Variants in NOB1 observed in about 807,000 individuals in gnomAD.
The protein encoded by NOB1 is NIN1 (RPN12) binding protein 1 homolog, also known as RNA-binding protein NOB1.
Under a neutral mutation model 44.8 loss-of-function variants are expected in NOB1, and 44 were observed. The observed-to-expected ratio is 0.98, with a 90% confidence interval of 0.77 to 1.26. The LOEUF (loss-of-function observed/expected upper bound fraction) is 1.26. Among genes scored for constraint, NOB1 ranks in the 50% most tolerant of loss-of-function variants. NOB1 has a pLI of 0.00. For missense variants in NOB1, 560 were observed against 544.8 expected, an observed-to-expected ratio of 1.03 and a Z score of -0.28; for synonymous variants, 238 against 218.7, an observed-to-expected ratio of 1.09 and a Z score of -0.78.
In NOB1 at chr16:69,749,581, G is replaced by A. The variant is rs981358617; in HGVS notation, c.377C>T (p.Ser126Phe). The A allele has an allele frequency of 5.6e-6, 9 of 1,613,510 alleles. No homozygotes were observed. Among genetic ancestry groups the A allele is most frequent in the Non-Finnish European group, 7.6e-6 (9 of 1,179,870 alleles). ...IQHPETPLHI[S>F]GFHLPYKPKP... ...TACCTTGTAGGGCAGATGGAAACCA[G>A]AAATGTGCAGAGGTGTTTCTGGGTG... Residue 126 changes from serine (S) to phenylalanine (F), a missense_variant, in exon 4 of 9, where the codon TCT (serine) becomes TTT (phenylalanine). Transcript: ENST00000268802.
intron 3 of NOB1, among the ~76,000 whole-genome samples, chr16:69,750,262 C>G (rs999443025): frequency 6.6e-6 from 1 of 151,918 alleles, no homozygotes; most frequent in Non-Finnish European, 1.5e-5. Context: ...ATCTCAGCCT[C>G]CCAAAGCGCT....
At chr16:69,748,869 C>A (rs1343298048) in intron 6 of NOB1, 49 bp downstream of exon 6, 15 of 1,467,962 alleles carry the variant, frequency 1.0e-5, no homozygotes, top group Non-Finnish European at 1.3e-5. Flanking sequence ...CTCGGTAGGA[C>A]CACTGCCGAT....
intron 8 of NOB1, among the ~76,000 whole-genome samples, chr16:69,744,185 G>C (rs144150232): frequency 6.6e-6 from 1 of 152,160 alleles, no homozygotes. Context: ...GCCAAGCATG[G>C]TGGCGTGTGC....
chr16:69,754,575 C>G lies in NOB1; in HGVS notation c.196+19G>C. ...CCTGGACCCCAGCTTCCCGTCAACG[C>G]TAGGGCAGAGGCACTCACCCAGCCG... On this transcript the variant is annotated intron_variant, in intron 2 of 8. Coordinates refer to ENST00000268802, the MANE Select transcript of NOB1 (RefSeq NM_014062.3). 6.2e-7 allele frequency: 1 copy of G among 1,613,494 alleles called. No homozygotes were observed. Among genetic ancestry groups the G allele is most frequent in the Non-Finnish European group, 8.5e-7 (1 of 1,179,772 alleles).
rs1407742102 is a variant in NOB1, at chr16:69,749,245, G to T, written c.493C>A (p.Pro165Thr). ...SSFMFWRNPLPNIDHELQELL... is the reference protein window; with the variant it reads ...SSFMFWRNPLTNIDHELQELL... ...TCCTGCAGTTCATGATCGATGTTGG[G>T]CAAAGGGTTTCTCCAGAACATGAAG... is the stretch of plus-strand genomic sequence containing the variant. Residue 165 changes from proline to threonine, a missense_variant, in exon 5 of 9, where the codon CCC becomes ACC. Transcript: ENST00000268802. The T allele has an allele frequency of 6.2e-7, 1 of 1,613,458 alleles. No individual in the cohort carries two copies. The highest frequency in any genetic ancestry group is 8.5e-7 in the Non-Finnish European group (1 of 1,179,844).
intron 7 of NOB1, among the ~76,000 whole-genome samples, 187 bp from the exon 8 acceptor site, chr16:69,745,204 A>G (rs1431856694): frequency 6.6e-6 from 1 of 152,232 alleles, no homozygotes; most frequent in Non-Finnish European, 1.5e-5. Context: ...TGAGGGACAG[A>G]TAAACCACAG....
At chr16:69,744,513 A>G (rs1037446065) in intron 8 of NOB1, among the ~76,000 whole-genome samples, 9 of 152,114 alleles carry the variant, frequency 5.9e-5, no homozygotes, top group Admixed American at 1.3e-4. Context: ...GCTGCTGCTC[A>G]TCTAGCCCGT....
chr16:69,748,339 C>CA lies in NOB1; in HGVS notation c.727-11dup. 6.2e-7 allele frequency: 1 copy of CA among 1,607,624 alleles called. No homozygotes were observed. Among genetic ancestry groups the CA allele is most frequent in the Non-Finnish European group, 8.5e-7 (1 of 1,175,330 alleles). Reference sequence around the variant, plus strand: ...TCTGCAGCAGAACATTCTACAACCACAAGTTAAAGAAGAAATCAATTTTCT... The same window carrying CA: ...TCTGCAGCAGAACATTCTACAACCACAAAGTTAAAGAAGAAATCAATTTTCT... On this transcript the variant is annotated splice_polypyrimidine_tract_variant and intron_variant, in intron 6 of 8. Transcript: ENST00000268802.
chr16:69,748,614 T>C, intron 6 of NOB1: 1 of 532,746 alleles, frequency 1.9e-6, no homozygotes. Flanking sequence ...ATTGCTGGGC[T>C]GAAAACCCTC....
At chr16:69,750,000 A>T (rs1199964074) in intron 3 of NOB1, among the ~76,000 whole-genome samples, 3 of 131,552 alleles carry the variant, frequency 2.3e-5, no homozygotes, top group Non-Finnish European at 3.1e-5. Context: ...AGGATACCCA[A>T]TTTTTTTTTT....
intron 3 of NOB1, among the ~76,000 whole-genome samples, chr16:69,751,157 C>T (rs1223918117): frequency 2.0e-5 from 3 of 152,076 alleles, no homozygotes; most frequent in Non-Finnish European, 4.4e-5. Flanking sequence ...ATGATCACAA[C>T]TCACTGCAAC....
chr16:69,754,595 C>G lies in NOB1; in HGVS notation c.195G>C (p.Leu65=). The change falls in exon 2 of 9, where the codon CTG becomes CTC. Residue 65 remains leucine (L), a splice_region_variant and synonymous_variant. Coordinates refer to ENST00000268802, the MANE Select transcript of NOB1 (RefSeq NM_014062.3). ...CAACGCTAGGGCAGAGGCACTCACC[C>G]AGCCGCACGTATTCCGGTAAGGGCT... ...FKEPLPEYVR[L]VTEFSKKTGD... 1 of 1,614,062 alleles carries G rather than the reference C, an allele frequency of 6.2e-7. No individual in the cohort carries two copies. The highest frequency in any genetic ancestry group is 1.3e-5 in the African/African-American group (1 of 75,082).
chr16:69,742,567 G>C lies in NOB1; in HGVS notation c.1004C>G (p.Ala335Gly), dbSNP rs1052182555. ...ATCCTCGGTGAGATGGGGGTTGATG[G>C]CGTATTTGCCCCCTTTGGGAGTGGG... ...SLPTPKGGKY[A>G]INPHLTEDQR... is the part of the protein sequence containing the mutation. Residue 335 changes from alanine (A) to glycine (G), a missense_variant, in exon 9 of 9, where the codon GCC becomes GGC. Transcript: ENST00000268802. The C allele has an allele frequency of 6.2e-7, 1 of 1,614,028 alleles. No homozygotes were observed. The highest frequency in any genetic ancestry group is 1.1e-5 in the South Asian group (1 of 91,086).
At chr16:69,749,386 C>A in intron 4 of NOB1, 48 bp from the exon 5 acceptor site, 1 of 1,581,468 alleles carries the variant, frequency 6.3e-7, no homozygotes, top group South Asian at 1.2e-5. Flanking sequence ...CATCTGTAGC[C>A]ACCTCTCAGG....
chr16:69,750,683 T>A (rs1053127302), intron 3 of NOB1, among the ~76,000 whole-genome samples: 2 of 152,118 alleles, frequency 1.3e-5, no homozygotes, highest in East Asian at 3.9e-4. Context: ...ATGCCTGTAA[T>A]CTCAGCATTC....
intron 8 of NOB1, 27 bp downstream of exon 8, chr16:69,744,846 G>T: frequency 6.2e-7 from 1 of 1,608,252 alleles, no homozygotes; most frequent in South Asian, 1.1e-5. Flanking sequence ...CTGGTGTTGG[G>T]AGGGGACTGG....
At position 69,754,864 on chromosome 16, in the gene NOB1, C is replaced by CG; in HGVS notation, c.46dup (p.Arg16ProfsTer21). Reference sequence around the variant, plus strand: ...TCCCCGTACCTGCAGAGCCGCATGCCGCAGGAAAGCCCCAGCATCCGCCAC... The same window carrying CG: ...TCCCCGTACCTGCAGAGCCGCATGCCGGCAGGAAAGCCCCAGCATCCGCCAC... On this transcript the variant is annotated frameshift_variant, in exon 1 of 9. Coordinates refer to ENST00000268802, the MANE Select transcript of NOB1 (RefSeq NM_014062.3). LOFTEE classifies it high-confidence loss of function. 1 of 1,597,776 alleles carries CG rather than the reference C, an allele frequency of 6.3e-7. No homozygotes were observed.
At chr16:69,747,361 G>A (rs765212109) in intron 7 of NOB1, among the ~76,000 whole-genome samples, 1 of 152,010 alleles carries the variant, frequency 6.6e-6, no homozygotes, top group Admixed American at 6.6e-5. Flanking sequence ...AACATCGTGA[G>A]ACCTCGTCTC....
chr16:69,742,187 G>T lies in NOB1; in HGVS notation c.*145C>A. On this transcript the variant is annotated 3_prime_UTR_variant, in exon 9 of 9. Transcript: ENST00000268802. Reference sequence around the variant, plus strand: ...CAGTCCAGTTCCCTGCAGACCCAGCGGGGCATGGGCGGACAGAGCCGCACC... The same window carrying T: ...CAGTCCAGTTCCCTGCAGACCCAGCTGGGCATGGGCGGACAGAGCCGCACC... 1.9e-6 allele frequency: 2 copies of T among 1,034,556 alleles called. No individual in the cohort carries two copies. Among genetic ancestry groups the T allele is most frequent in the Admixed American group, 2.8e-5 (1 of 36,262 alleles). The allele number at this position is 1,034,556 out of a possible 1,614,324, so 64.1% of individuals were successfully genotyped here. A position where few individuals can be genotyped will look rare whatever the true frequency, so the allele number is the denominator to read the frequency against.
Sources: gnomAD v4.1 joint callset for allele counts (sites outside exome capture counted in the v4.1 genomes callset) on GRCh38, gnomAD v4.1.1 for gene constraint, MANE v1.5 for transcripts, NCBI Gene and HGNC (gene_info 2026-07-23, HGNC 2026-07-21) for gene names.